Variants in SEMA3D observed in about 807,000 individuals in gnomAD.
SEMA3D encodes semaphorin-3D.
Under a neutral mutation model 100.1 loss-of-function variants are expected in SEMA3D, and 84 were observed. The ratio of observed to expected loss-of-function variants is 0.84; its 90% CI spans 0.70 to 1.01. The LOEUF (loss-of-function observed/expected upper bound fraction) is 1.01, where lower values mean the gene tolerates loss of function less well. Among genes scored for constraint, SEMA3D ranks in the 50% least tolerant of loss-of-function variants. SEMA3D has a pLI of 0.00. For missense variants in SEMA3D, 875 were observed against 934.1 expected, an observed-to-expected ratio of 0.94 and a Z score of 0.82; for synonymous variants, 312 against 320.7, an observed-to-expected ratio of 0.97 and a Z score of 0.29.
intron 5 of SEMA3D, among the ~76,000 whole-genome samples, chr7:85,079,227 A>G (rs1787981760): frequency 6.6e-6 from 1 of 152,234 alleles, no homozygotes; most frequent in Non-Finnish European, 1.5e-5. Context: ...GAGGTTATAC[A>G]TGTAAATCAT....
At chr7:85,167,609 A>G (rs1043440844) in intron 1 of SEMA3D, among the ~76,000 whole-genome samples, 2 of 151,886 alleles carry the variant, frequency 1.3e-5, no homozygotes, top group African/African-American at 2.4e-5. Flanking sequence ...AGGCCAATAT[A>G]TTTAAGAAGG....
chr7:85,110,084 A>G (rs1789050507), intron 3 of SEMA3D, among the ~76,000 whole-genome samples: 1 of 152,100 alleles, frequency 6.6e-6, no homozygotes, highest in Admixed American at 6.6e-5. Context: ...AGGAGAACAT[A>G]GATGATCACT....
chr7:85,090,875 T>A (rs898734242), intron 4 of SEMA3D, among the ~76,000 whole-genome samples: 1 of 152,228 alleles, frequency 6.6e-6, no homozygotes, highest in South Asian at 2.1e-4. Flanking sequence ...CACTGGAAAT[T>A]ATTATATGTA....
At chr7:85,059,084 A>G (rs1305045758) in intron 8 of SEMA3D, among the ~76,000 whole-genome samples, 2 of 152,190 alleles carry the variant, frequency 1.3e-5, no homozygotes, top group African/African-American at 2.4e-5. Context: ...GGCTCCCACA[A>G]ACACAGACCA....
chr7:85,125,997 C>T (rs1424527548), intron 2 of SEMA3D, among the ~76,000 whole-genome samples: 1 of 152,006 alleles, frequency 6.6e-6, no homozygotes, highest in Non-Finnish European at 1.5e-5. Flanking sequence ...AAACAGCACT[C>T]TTGGGAATCT....
chr7:85,061,655 A>G (rs969237774), intron 8 of SEMA3D, among the ~76,000 whole-genome samples: 1 of 152,138 alleles, frequency 6.6e-6, no homozygotes, highest in Non-Finnish European at 1.5e-5. Flanking sequence ...AAGGACAGAA[A>G]TGTTCTCTGA....
intron 3 of SEMA3D, among the ~76,000 whole-genome samples, chr7:85,115,030 C>T (rs959901789): frequency 4.6e-5 from 7 of 152,190 alleles, no homozygotes; most frequent in African/African-American, 1.7e-4. Context: ...ATCTTTTTGG[C>T]TACCCAGTGA....
intron 2 of SEMA3D, among the ~76,000 whole-genome samples, chr7:85,149,796 T>C (rs1583969505): frequency 6.6e-6 from 1 of 152,172 alleles, no homozygotes; most frequent in African/African-American, 2.4e-5. Context: ...TCCAAAACTA[T>C]GTGCAAGACA....
intron 10 of SEMA3D, chr7:85,041,315 C>T (rs1406350024): frequency 6.6e-6 from 1 of 152,098 alleles, no homozygotes; most frequent in African/African-American, 2.4e-5. Flanking sequence ...AACACCTCGG[C>T]CTCCCAAAGT....
At chr7:85,234,991 G>A in the SEMA3D span, among the ~76,000 whole-genome samples, 1 of 152,156 alleles carries the variant, frequency 6.6e-6, no homozygotes. Flanking sequence ...GCAGCTTGGG[G>A]AGTGAGCAGT....
chr7:85,025,753 T>C (rs887927380), intron 12 of SEMA3D, among the ~76,000 whole-genome samples: 11 of 152,014 alleles, frequency 7.2e-5, no homozygotes, highest in African/African-American at 2.7e-4. Flanking sequence ...TGCCGTCTTA[T>C]ACCCCTGCTT....
At chr7:85,112,719 A>T (rs188479599) in intron 3 of SEMA3D, among the ~76,000 whole-genome samples, 13 of 152,296 alleles carry the variant, frequency 8.5e-5, no homozygotes, top group African/African-American at 3.1e-4. Flanking sequence ...TGTGAGACTT[A>T]TACATGATAA....
chr7:85,162,977 G>C, intron 1 of SEMA3D: 2 of 817,646 alleles, frequency 2.4e-6, no homozygotes, highest in South Asian at 1.1e-4. Context: ...CAGAGGTTTA[G>C]AGGCCGAGGA....
At chr7:85,040,042 T>C (rs1430255049) in intron 11 of SEMA3D, among the ~76,000 whole-genome samples, 16 of 142,026 alleles carry the variant, frequency 1.1e-4, no homozygotes, top group Admixed American at 9.3e-4. Context: ...AGTGGTACCA[T>C]CATGGCTCAC....
rs1236449346 is a variant in SEMA3D, at chr7:85,058,767, AG to A, written c.719-2909del. Among the ~76,000 whole-genome samples, 961 of 147,336 alleles carry A rather than the reference AG, an allele frequency of 6.5e-3. 3 individuals carry two copies. The highest frequency in any genetic ancestry group is 0.012 in the Non-Finnish European group (798 of 66,598). ...CACTACAAAAAAAAAAAAAAAAAAA[AG>A]CAACTCTTTGTGGGATCAAATTGTT... On this transcript the variant is annotated intron_variant, in intron 8 of 18. Coordinates refer to ENST00000284136, the MANE Select transcript of SEMA3D (RefSeq NM_001384900.1).
At chr7:85,121,450 C>T (rs1432469915) in intron 3 of SEMA3D, among the ~76,000 whole-genome samples, 2 of 152,104 alleles carry the variant, frequency 1.3e-5, no homozygotes. Flanking sequence ...AATGTGTTAA[C>T]ATTTTTCTAT....
the SEMA3D span, among the ~76,000 whole-genome samples, chr7:85,238,530 G>A: frequency 2.6e-5 from 4 of 151,984 alleles, no homozygotes; most frequent in African/African-American, 9.7e-5. Flanking sequence ...TCAATTTCTG[G>A]GCTATCTATT....
In SEMA3D at chr7:85,050,042, C is replaced by A. The variant is rs1388445450; in HGVS notation, c.861+5675G>T. On this transcript the variant is annotated intron_variant, in intron 9 of 18. Transcript: ENST00000284136. ...CACCGAAAGAACTAGTATTTCCACC[C>A]ATTGACTTAAAAGGTGGGTCTTGAA... Among the ~76,000 whole-genome samples the A allele has an allele frequency of 2.0e-5, 3 of 149,968 alleles. No individual in the cohort carries two copies. The South Asian group carries it at 6.4e-4, about 32-fold the overall frequency.
chr7:85,127,964 C>T (rs76118579), intron 2 of SEMA3D, among the ~76,000 whole-genome samples: 1,900 of 151,362 alleles, frequency 0.013, 16 homozygotes, highest in Non-Finnish European at 0.018. Context: ...AAACATAAAT[C>T]GGTTGTTTTT....
Sources: allele counts gnomAD v4.1 joint callset (sites outside exome capture counted in the v4.1 genomes callset), GRCh38; gene constraint gnomAD v4.1.1; transcripts MANE v1.5; gene names NCBI Gene and HGNC (gene_info 2026-07-23, HGNC 2026-07-21).